The following SH3RF3 variants were observed in gnomAD, a reference collection of about 807,000 sequenced individuals.
The protein encoded by SH3RF3 is E3 ubiquitin-protein ligase SH3RF3.
SH3RF3 carries 29 observed loss-of-function variants against 66.3 expected under a neutral mutation model. The observed-to-expected ratio is 0.44, with a 90% CI of 0.33 to 0.60. The LOEUF (loss-of-function observed/expected upper bound fraction) is 0.60. Among genes scored for constraint, SH3RF3 ranks in the 20% least tolerant of loss-of-function variants. The pLI, the probability that SH3RF3 is intolerant of heterozygous loss-of-function variation, is 0.04. For missense variants in SH3RF3, 1,194 were observed against 1,190.9 expected (o/e 1.00, Z -0.04); for synonymous variants, 583 against 532.0 (o/e 1.10, Z -1.32).
intron 1 of SH3RF3, among the ~76,000 whole-genome samples, chr2:109,260,386 C>T (rs1386697792): frequency 1.3e-5 from 2 of 152,156 alleles, no homozygotes; most frequent in Non-Finnish European, 2.9e-5. Context: ...CTTCCAGGAA[C>T]CACCAAAGCA....
intron 1 of SH3RF3, among the ~76,000 whole-genome samples, chr2:109,187,840 C>A (rs1264325097): frequency 6.6e-6 from 1 of 152,240 alleles, no homozygotes; most frequent in Non-Finnish European, 1.5e-5. Flanking sequence ...GGACCCCATT[C>A]TCAGCTTATC....
At chr2:109,302,298 A>G (rs957334614) in intron 1 of SH3RF3, among the ~76,000 whole-genome samples, 2 of 152,332 alleles carry the variant, frequency 1.3e-5, no homozygotes, top group South Asian at 2.1e-4. Flanking sequence ...GTAATCATCC[A>G]TAACAGCATA....
At chr2:109,247,740 A>G (rs1351032511) in intron 1 of SH3RF3, among the ~76,000 whole-genome samples, 1 of 152,230 alleles carries the variant, frequency 6.6e-6, no homozygotes, top group African/African-American at 2.4e-5. Context: ...TTGCTGTATA[A>G]CAGAAACCCA....
chr2:109,136,081 C>A (rs549682029), intron 1 of SH3RF3, among the ~76,000 whole-genome samples: 69 of 152,304 alleles, frequency 4.5e-4, no homozygotes, highest in African/African-American at 1.6e-3. Context: ...ATTGTTTCTT[C>A]CTCCTGGCTT....
chr2:109,226,327 A>G (rs369525174), intron 1 of SH3RF3, among the ~76,000 whole-genome samples: 2 of 152,166 alleles, frequency 1.3e-5, no homozygotes, highest in African/African-American at 4.8e-5. Context: ...GACCCTGCCA[A>G]CTGTTTCAAA....
chr2:109,208,845 A>G (rs1367722628), intron 1 of SH3RF3, among the ~76,000 whole-genome samples: 2 of 152,208 alleles, frequency 1.3e-5, no homozygotes, highest in East Asian at 1.9e-4. Flanking sequence ...GGAAAAGGCA[A>G]ATTCAGGTTC....
intron 9 of SH3RF3, among the ~76,000 whole-genome samples, chr2:109,500,200 A>G (rs1436169476): frequency 1.3e-5 from 2 of 152,100 alleles, no homozygotes; most frequent in African/African-American, 2.4e-5. Flanking sequence ...GTTAGAAGCT[A>G]TGTTAGTGGT....
chr2:109,408,920 G>A (rs1676519100), intron 4 of SH3RF3, among the ~76,000 whole-genome samples: 1 of 152,194 alleles, frequency 6.6e-6, no homozygotes, highest in African/African-American at 2.4e-5. Context: ...TGTGAGGAAG[G>A]CCATGAGCGG....
intron 2 of SH3RF3, among the ~76,000 whole-genome samples, chr2:109,358,964 G>A (rs1683003878): frequency 6.6e-6 from 1 of 152,060 alleles, no homozygotes; most frequent in African/African-American, 2.4e-5. Context: ...TTTTGTGAGG[G>A]GTGGAATGTT....
At chr2:109,185,559 G>A (rs1388435440) in intron 1 of SH3RF3, among the ~76,000 whole-genome samples, 1 of 152,224 alleles carries the variant, frequency 6.6e-6, no homozygotes, top group Admixed American at 6.5e-5. Flanking sequence ...TGGGGGTGGA[G>A]TCTCTGTCTC....
At chr2:109,140,082 G>T (rs991419546) in intron 1 of SH3RF3, among the ~76,000 whole-genome samples, 3 of 152,202 alleles carry the variant, frequency 2.0e-5, no homozygotes, top group African/African-American at 7.2e-5. Flanking sequence ...GTCTGCGGAA[G>T]GCTTTCCACT....
chr2:109,191,995 C>A (rs1312670431), intron 1 of SH3RF3, among the ~76,000 whole-genome samples: 1 of 152,134 alleles, frequency 6.6e-6, no homozygotes, highest in African/African-American at 2.4e-5. Context: ...CAAACCCTCC[C>A]CCTCCACCTC....
intron 1 of SH3RF3, among the ~76,000 whole-genome samples, chr2:109,254,752 C>T (rs1680179020): frequency 6.6e-6 from 1 of 152,086 alleles, no homozygotes; most frequent in African/African-American, 2.4e-5. Flanking sequence ...ATTGCCGGGA[C>T]TTTAGTGGCT....
At chr2:109,179,469 G>T (rs1471143181) in intron 1 of SH3RF3, among the ~76,000 whole-genome samples, 1 of 152,154 alleles carries the variant, frequency 6.6e-6, no homozygotes, top group African/African-American at 2.4e-5. Flanking sequence ...TTGTCTTTGT[G>T]TGTTTTCTGT....
intron 1 of SH3RF3, among the ~76,000 whole-genome samples, chr2:109,201,622 C>T (rs1678678367): frequency 6.6e-6 from 1 of 152,214 alleles, no homozygotes; most frequent in Non-Finnish European, 1.5e-5. Flanking sequence ...CCTCTCACAG[C>T]ATGGCCTTCG....
intron 2 of SH3RF3, among the ~76,000 whole-genome samples, chr2:109,352,525 C>T (rs1015690155): frequency 6.6e-6 from 1 of 152,202 alleles, no homozygotes; most frequent in Non-Finnish European, 1.5e-5. Flanking sequence ...ATTGGGATGA[C>T]TTTGGGGGCC....
chr2:109,410,215 C>T (rs1292337128), intron 4 of SH3RF3, among the ~76,000 whole-genome samples: 3 of 152,340 alleles, frequency 2.0e-5, no homozygotes, highest in Middle Eastern at 3.4e-3. Context: ...AGGCTTCCAA[C>T]CAGGGGAGGC....
At chr2:109,179,007 G>C (rs982476550) in intron 1 of SH3RF3, among the ~76,000 whole-genome samples, 1 of 147,082 alleles carries the variant, frequency 6.8e-6, no homozygotes, top group Non-Finnish European at 1.5e-5. Context: ...ATAATAATGT[G>C]TGTGTGTGTG....
intron 9 of SH3RF3, among the ~76,000 whole-genome samples, chr2:109,500,350 A>C (rs935954056): frequency 1.3e-5 from 2 of 152,100 alleles, no homozygotes; most frequent in Non-Finnish European, 2.9e-5. Flanking sequence ...CAGCCCAGAG[A>C]GCCCCTGGGG....
Sources: gnomAD v4.1 joint callset for allele counts (sites outside exome capture counted in the v4.1 genomes callset) on GRCh38, gnomAD v4.1.1 for gene constraint, MANE v1.5 for transcripts, NCBI Gene and HGNC (gene_info 2026-07-23, HGNC 2026-07-21) for gene names.